The following NUBPL variants were observed in gnomAD, a reference collection of about 807,000 sequenced individuals.
NUBPL encodes the protein NUBP iron-sulfur cluster assembly factor, mitochondrial, also known as iron-sulfur cluster transfer protein NUBPL.
NUBPL carries 31 observed loss-of-function variants against 45.7 expected under a neutral mutation model. The ratio of observed to expected loss-of-function variants is 0.68; its 90% CI spans 0.51 to 0.92. The LOEUF (loss-of-function observed/expected upper bound fraction) is 0.92. Among genes scored for constraint, NUBPL ranks in the 40% least tolerant of loss-of-function variants. The pLI is 0.00. For synonymous variants in NUBPL, 144 were observed against 140.9 expected (o/e 1.02, Z -0.15); for missense variants, 401 against 398.7 (o/e 1.01, Z -0.05).
chr14:31,859,295 A>G lies in NUBPL; in HGVS notation c.*115A>G, dbSNP rs1458583199. 1.1e-6 allele frequency: 1 copy of G among 879,066 alleles called. No homozygotes were observed. Among genetic ancestry groups the G allele is most frequent in the Admixed American group, 1.9e-5 (1 of 51,564 alleles). The allele number at this position is 879,066 out of a possible 1,614,324, so 54.5% of individuals were successfully genotyped here. ...TAGAAATCATAACTGTTTTATTTCT[A>G]AGGAAAGAATGTCTTCATATTTGAC... On this transcript the variant is annotated 3_prime_UTR_variant, in exon 11 of 11. Transcript: ENST00000281081.
chr14:31,779,551 C>T (rs2039155703), intron 6 of NUBPL, among the ~76,000 whole-genome samples: 1 of 152,070 alleles, frequency 6.6e-6, no homozygotes, highest in Admixed American at 6.5e-5. Context: ...GTCCCCAATT[C>T]TGATATTACA....
At chr14:31,730,679 G>A (rs1198410656) in intron 6 of NUBPL, among the ~76,000 whole-genome samples, 1 of 151,982 alleles carries the variant, frequency 6.6e-6, no homozygotes, top group Non-Finnish European at 1.5e-5. Context: ...TGTTAGCCAG[G>A]ATGGTCTCGA....
At chr14:31,761,895 T>C (rs919928058) in intron 6 of NUBPL, among the ~76,000 whole-genome samples, 2 of 152,212 alleles carry the variant, frequency 1.3e-5, no homozygotes, top group African/African-American at 4.8e-5. Context: ...GGATTATGAG[T>C]GTACATGTAT....
At chr14:31,590,699 C>T (rs373890495) in intron 3 of NUBPL, among the ~76,000 whole-genome samples, 15 of 152,112 alleles carry the variant, frequency 9.9e-5, no homozygotes, top group African/African-American at 3.6e-4. Flanking sequence ...TCTAGGTCCC[C>T]AGGCTTTGAT....
At chr14:31,631,309 T>C (rs961921327) in intron 4 of NUBPL, among the ~76,000 whole-genome samples, 3 of 152,102 alleles carry the variant, frequency 2.0e-5, no homozygotes, top group Non-Finnish European at 4.4e-5. Flanking sequence ...GGAGCAAAGC[T>C]CCATTTATAG....
intron 6 of NUBPL, among the ~76,000 whole-genome samples, chr14:31,749,322 A>C (rs1359507040): frequency 6.6e-6 from 1 of 152,004 alleles, no homozygotes; most frequent in East Asian, 1.9e-4. Flanking sequence ...TACTGTTTTC[A>C]TGAGGCAGTT....
intron 6 of NUBPL, among the ~76,000 whole-genome samples, chr14:31,723,436 G>A (rs2037854513): frequency 6.6e-6 from 1 of 152,118 alleles, no homozygotes; most frequent in Admixed American, 6.5e-5. Context: ...TTCTTGTTTG[G>A]TTCCACATGA....
intron 6 of NUBPL, among the ~76,000 whole-genome samples, chr14:31,717,098 G>A (rs1284265278): frequency 6.6e-6 from 1 of 151,824 alleles, no homozygotes. Context: ...CTTGTTTTTT[G>A]GACAAAAGTT....
At chr14:31,810,500 C>T (rs2039780553) in intron 7 of NUBPL, among the ~76,000 whole-genome samples, 1 of 152,000 alleles carries the variant, frequency 6.6e-6, no homozygotes, top group Non-Finnish European at 1.5e-5. Context: ...TTATTTTGAG[C>T]CTATGTATGT....
chr14:31,562,252 C>G, intron 2 of NUBPL, 37 bp downstream of exon 2: 3 of 1,570,240 alleles, frequency 1.9e-6, no homozygotes, highest in Non-Finnish European at 2.6e-6. Flanking sequence ...TGATTAAGAA[C>G]TTATGCCAAC....
intron 7 of NUBPL, among the ~76,000 whole-genome samples, chr14:31,791,868 C>T (rs935877077): frequency 1.3e-5 from 2 of 152,142 alleles, no homozygotes; most frequent in Non-Finnish European, 2.9e-5. Flanking sequence ...AGCACTAATT[C>T]TTTATGGACA....
chr14:31,584,408 A>G (rs1344451115), intron 3 of NUBPL, among the ~76,000 whole-genome samples: 1 of 152,204 alleles, frequency 6.6e-6, no homozygotes, highest in Non-Finnish European at 1.5e-5. Flanking sequence ...TATAGGCATG[A>G]GCCATTGCAC....
intron 6 of NUBPL, among the ~76,000 whole-genome samples, chr14:31,707,123 T>C (rs1360335026): frequency 6.6e-6 from 1 of 152,242 alleles, no homozygotes; most frequent in Non-Finnish European, 1.5e-5. Flanking sequence ...TGTAGGGAGT[T>C]CCTCCTAGAT....
intron 6 of NUBPL, among the ~76,000 whole-genome samples, chr14:31,757,235 T>A (rs2038688129): frequency 7.6e-6 from 1 of 130,832 alleles, no homozygotes; most frequent in Non-Finnish European, 1.7e-5. Flanking sequence ...TAGGGAGGAT[T>A]CCCTCTTTTT....
At chr14:31,700,604 G>A (rs115684549) in intron 6 of NUBPL, among the ~76,000 whole-genome samples, 8,358 of 152,200 alleles carry the variant, frequency 0.055, 661 homozygotes, top group African/African-American at 0.18. Flanking sequence ...CGCGAGTTCC[G>A]GGTGGGCGCA....
chr14:31,822,797 A>G (rs2040039760), intron 7 of NUBPL, among the ~76,000 whole-genome samples: 1 of 152,246 alleles, frequency 6.6e-6, no homozygotes, highest in African/African-American at 2.4e-5. Flanking sequence ...GAAGATGATC[A>G]TTGTCCTTGT....
At chr14:31,632,322 C>T (rs1364424032) in intron 4 of NUBPL, among the ~76,000 whole-genome samples, 1 of 152,150 alleles carries the variant, frequency 6.6e-6, no homozygotes, top group Non-Finnish European at 1.5e-5. Flanking sequence ...GGAACAATGA[C>T]ACTTGGTGGA....
rs185793777 is a variant in NUBPL, at chr14:31,730,500, G to A, written c.513+56926G>A. On this transcript the variant is annotated intron_variant, in intron 6 of 10. Coordinates refer to ENST00000281081, the MANE Select transcript of NUBPL (RefSeq NM_025152.3). ...TTTTTTTGAGATGGAGTCTTGCACC[G>A]TCGCCCAGGCTGTAGTGCGGTGGCA... Among the ~76,000 whole-genome samples the A allele has an allele frequency of 1.3e-3, 191 of 146,754 alleles. 2 individuals carry two copies. Among genetic ancestry groups the A allele is most frequent in the African/African-American group, 4.2e-3 (166 of 39,402 alleles).
At chr14:31,761,714 G>A (rs1045633510) in intron 6 of NUBPL, among the ~76,000 whole-genome samples, 5 of 152,132 alleles carry the variant, frequency 3.3e-5, no homozygotes, top group South Asian at 2.1e-4. Context: ...CTAGTATTTC[G>A]TAGTATTGAG....
Sources: allele counts gnomAD v4.1 joint callset (sites outside exome capture counted in the v4.1 genomes callset), GRCh38; gene constraint gnomAD v4.1.1; transcripts MANE v1.5; gene names NCBI Gene and HGNC (gene_info 2026-07-23, HGNC 2026-07-21).